Variants in USP34 observed in about 807,000 individuals in gnomAD.
USP34 encodes the protein ubiquitin carboxyl-terminal hydrolase 34.
Under a neutral mutation model 460.3 loss-of-function variants are expected in USP34, and 70 were observed. That is an observed-to-expected ratio of 0.15 (90% CI 0.13 to 0.19). The LOEUF (loss-of-function observed/expected upper bound fraction) is 0.19, where lower values mean the gene tolerates loss of function less well. Among genes scored for constraint, USP34 ranks in the 10% least tolerant of loss-of-function variants. USP34 has a pLI of 1.00. For missense variants in USP34, 3,985 were observed against 4,236.2 expected, an observed-to-expected ratio of 0.94 and a Z score of 1.65; for synonymous variants, 1,647 against 1,405.3, an observed-to-expected ratio of 1.17 and a Z score of -3.85.
chr2:61,419,288 G>C (rs1383884808), intron 2 of USP34, among the ~76,000 whole-genome samples: 1 of 151,626 alleles, frequency 6.6e-6, no homozygotes, highest in Non-Finnish European at 1.5e-5. Flanking sequence ...TCAAAAGTGA[G>C]AGGCATGAGC....
At chr2:61,210,233 T>TA (rs113537527) in intron 69 of USP34, among the ~76,000 whole-genome samples, 1,809 of 152,330 alleles carry the variant, frequency 0.012, 33 homozygotes, top group African/African-American at 0.042. Context: ...CTGGCTTACC[T>TA]AGGGCAATTT....
At chr2:61,436,602 T>C (rs1195649202) in intron 1 of USP34, among the ~76,000 whole-genome samples, 1 of 152,066 alleles carries the variant, frequency 6.6e-6, no homozygotes, top group African/African-American at 2.4e-5. Context: ...ATAATAATAG[T>C]TGGGGACTTC....
intron 1 of USP34, among the ~76,000 whole-genome samples, chr2:61,458,229 C>T (rs552469780): frequency 2.2e-4 from 33 of 151,974 alleles, no homozygotes; most frequent in African/African-American, 7.7e-4. Context: ...AAAGACTTCT[C>T]GAAAAAAATC....
intron 1 of USP34, among the ~76,000 whole-genome samples, chr2:61,445,166 A>AAC (rs1210155500): frequency 1.2e-4 from 18 of 149,846 alleles, no homozygotes; most frequent in African/African-American, 2.0e-4. Context: ...AACCACACTA[A>AAC]ACACACACAC....
intron 67 of USP34, among the ~76,000 whole-genome samples, chr2:61,216,171 A>G (rs550478054): frequency 2.1e-4 from 32 of 152,218 alleles, no homozygotes; most frequent in Non-Finnish European, 3.2e-4. Context: ...CTTTACCTAT[A>G]TACTAGTCTG....
chr2:61,291,486 G>A (rs569995621), intron 33 of USP34, among the ~76,000 whole-genome samples: 1 of 152,146 alleles, frequency 6.6e-6, no homozygotes, highest in Non-Finnish European at 1.5e-5. Flanking sequence ...CCCCAAACTG[G>A]AAACGATGCA....
In USP34 at chr2:61,374,159, GAAA is replaced by G. The variant is rs76561805; in HGVS notation, c.1077-3583_1077-3581del. On this transcript the variant is annotated intron_variant, in intron 8 of 79. Transcript: ENST00000398571. Reference sequence around the variant, plus strand: ...CAATAGAGCGAGACTCCATCTCAGGGAAAAAAAAAAAAAAAAAAACAGAGAAAA... The same window carrying G: ...CAATAGAGCGAGACTCCATCTCAGGGAAAAAAAAAAAAAAAACAGAGAAAA... 8.5e-5 allele frequency among the ~76,000 whole-genome samples: 10 copies of G among 117,724 alleles called. 1 individual carries two copies. The highest frequency in any genetic ancestry group is 2.5e-4 in the East Asian group (1 of 4,038). 77.2% of individuals were successfully genotyped at this position (117,724 alleles called of 152,430 possible).
chr2:61,276,035 T>C (rs545614822), intron 41 of USP34, among the ~76,000 whole-genome samples: 1 of 152,342 alleles, frequency 6.6e-6, no homozygotes, highest in African/African-American at 2.4e-5. Flanking sequence ...GGAAACCATA[T>C]ACTGACTGAA....
In USP34 at chr2:61,188,043, T is replaced by TACAA. The variant is rs1248171594; in HGVS notation, c.*55_*58dup. ...CACAAAAACAAATAAGCAAAACTTATACAAACAGCATGGGGGTTGGGGGTG... is the reference window on the plus strand; with the variant it reads ...CACAAAAACAAATAAGCAAAACTTATACAAACAAACAGCATGGGGGTTGGGGGTG... On this transcript the variant is annotated 3_prime_UTR_variant, in exon 80 of 80. Transcript: ENST00000398571. 13 of 1,544,212 alleles carry TACAA rather than the reference T, an allele frequency of 8.4e-6. No homozygotes were observed. In the East Asian group the frequency reaches 2.7e-4, roughly 32 times the overall value.
chr2:61,377,802 T>C (rs1264409140), intron 8 of USP34, among the ~76,000 whole-genome samples: 32 of 152,202 alleles, frequency 2.1e-4, no homozygotes, highest in Non-Finnish European at 1.2e-4. Context: ...AGTACCATAT[T>C]TTTCAAGACT....
At chr2:61,466,296 A>G (rs779042867) in intron 1 of USP34, among the ~76,000 whole-genome samples, 9 of 151,850 alleles carry the variant, frequency 5.9e-5, no homozygotes, top group Non-Finnish European at 1.0e-4. Context: ...TTGGTGGCAC[A>G]TGCCTGTAGT....
intron 33 of USP34, among the ~76,000 whole-genome samples, chr2:61,292,202 A>G (rs1689877295): frequency 6.6e-6 from 1 of 152,188 alleles, no homozygotes; most frequent in Non-Finnish European, 1.5e-5. Context: ...TATTTCAAAA[A>G]AAGTTTTAAA....
intron 6 of USP34, among the ~76,000 whole-genome samples, chr2:61,382,175 T>A (rs554365102): frequency 1.3e-5 from 2 of 152,316 alleles, no homozygotes; most frequent in South Asian, 4.1e-4. Context: ...ATATTTATGA[T>A]CTATTTAAAA....
At chr2:61,351,318 G>A (rs1691936295) in intron 10 of USP34, among the ~76,000 whole-genome samples, 1 of 151,830 alleles carries the variant, frequency 6.6e-6, no homozygotes, top group Non-Finnish European at 1.5e-5. Context: ...TATTTTACTG[G>A]AGTACACAAC....
intron 41 of USP34, among the ~76,000 whole-genome samples, chr2:61,273,566 A>C (rs1278785151): frequency 6.6e-6 from 1 of 152,126 alleles, no homozygotes; most frequent in South Asian, 2.1e-4. Flanking sequence ...AAAGATACTA[A>C]AATTAGCTGG....
chr2:61,317,611 T>G, intron 23 of USP34, 43 bp downstream of exon 23: 5 of 1,503,542 alleles, frequency 3.3e-6, no homozygotes, highest in Non-Finnish European at 4.6e-6. Context: ...ATAATCTAAT[T>G]TGAGGAATAA....
intron 62 of USP34, among the ~76,000 whole-genome samples, chr2:61,225,569 C>G (rs1309406345): frequency 6.6e-6 from 1 of 151,930 alleles, no homozygotes; most frequent in Non-Finnish European, 1.5e-5. Flanking sequence ...ATTCCTCTAT[C>G]CACTGGAAAC....
intron 2 of USP34, among the ~76,000 whole-genome samples, chr2:61,417,712 C>A (rs1273576167): frequency 7.1e-6 from 1 of 139,978 alleles, no homozygotes; most frequent in Non-Finnish European, 1.5e-5. Flanking sequence ...ATATAAAATA[C>A]TAAAATCTTT....
intron 1 of USP34, among the ~76,000 whole-genome samples, chr2:61,443,943 G>A (rs1285632536): frequency 6.6e-6 from 1 of 152,100 alleles, no homozygotes; most frequent in Non-Finnish European, 1.5e-5. Context: ...TGCACCTTAT[G>A]CTCAATTTTG....
Sources: allele counts gnomAD v4.1 joint callset (sites outside exome capture counted in the v4.1 genomes callset), GRCh38; gene constraint gnomAD v4.1.1; transcripts MANE v1.5; gene names NCBI Gene and HGNC (gene_info 2026-07-23, HGNC 2026-07-21).